The following THRAP3 variants were observed in gnomAD, a reference collection of about 807,000 sequenced individuals.
The protein encoded by THRAP3 is thyroid hormone receptor associated protein 3, also known as thyroid hormone receptor-associated protein 3.
Under a neutral mutation model 101.0 loss-of-function variants are expected in THRAP3, and 16 were observed. The ratio of observed to expected loss-of-function variants is 0.16; its 90% CI spans 0.11 to 0.24. The LOEUF (loss-of-function observed/expected upper bound fraction) is 0.24, where lower values mean the gene tolerates loss of function less well. THRAP3 is among the 10% of genes least tolerant of loss of function. The pLI is 1.00. For missense variants in THRAP3, 989 were observed against 1,202.7 expected (o/e 0.82, Z 2.63); for synonymous variants, 407 against 422.6 (o/e 0.96, Z 0.45).
intron 2 of THRAP3, among the ~76,000 whole-genome samples, chr1:36,272,682 T>TC (rs1645606589): frequency 1.3e-5 from 2 of 152,342 alleles, no homozygotes; most frequent in Admixed American, 6.5e-5. Context: ...CTGTCTTATC[T>TC]CTATCAGTTG....
intron 1 of THRAP3, among the ~76,000 whole-genome samples, chr1:36,239,515 C>G (rs1331463432): frequency 3.9e-5 from 6 of 152,170 alleles, no homozygotes; most frequent in African/African-American, 1.4e-4. Context: ...AATCCTCTCA[C>G]CTCGGCCTCC....
chr1:36,287,062 T>C lies in THRAP3; in HGVS notation c.832T>C (p.Ser278Pro), dbSNP rs944546998. 1 of 1,613,836 alleles carries C rather than the reference T, an allele frequency of 6.2e-7. No individual in the cohort carries two copies. The highest frequency in any genetic ancestry group is 8.5e-7 in the Non-Finnish European group (1 of 1,179,772). Residue 278 changes from serine to proline, a missense_variant, in exon 4 of 12, where the codon TCC becomes CCC. Physicochemically the swap from Ser to Pro is moderately conservative, Grantham distance 74. Coordinates refer to ENST00000354618, the MANE Select transcript of THRAP3 (RefSeq NM_005119.4). ...CGTGCCAAAACCTAGTCCTCCACTT[T>C]CCAGCACATCCCAGATGGGCTCAAC... ...SPVPKPSPPL[S>P]STSQMGSTLP... is the part of the protein sequence containing the mutation.
At chr1:36,281,237 T>C (rs559165426) in intron 2 of THRAP3, among the ~76,000 whole-genome samples, 5 of 152,320 alleles carry the variant, frequency 3.3e-5, no homozygotes, top group Non-Finnish European at 5.9e-5. Context: ...CTGGAACAAA[T>C]TGATGGTTCT....
In THRAP3 at chr1:36,286,565, A is replaced by T; in HGVS notation, c.335A>T (p.Gln112Leu). Residue 112 changes from glutamine (Q) to leucine (L), a missense_variant, in exon 4 of 12, where the codon CAG becomes CTG. Physicochemically the swap from Gln to Leu is moderately radical, Grantham distance 113. Transcript: ENST00000354618. This position sits in a 1 kb window ranked among gnomAD's most constrained non-coding sequence, Gnocchi z 5.5. ...TATGGAAACTACCGCTCAAATTGGCAGAATTACCGGCAAGCATACAGTCCT... is the reference window on the plus strand; with the variant it reads ...TATGGAAACTACCGCTCAAATTGGCTGAATTACCGGCAAGCATACAGTCCT... ...GGYGNYRSNW[Q>L]NYRQAYSPRR... 6.2e-7 allele frequency: 1 copy of T among 1,614,160 alleles called. No individual in the cohort carries two copies. Among genetic ancestry groups the T allele is most frequent in the East Asian group, 2.2e-5 (1 of 44,880 alleles).
chr1:36,292,788 C>A, intron 7 of THRAP3, 79 bp downstream of exon 7: 1 of 1,059,920 alleles, frequency 9.4e-7, no homozygotes, highest in Non-Finnish European at 1.4e-6. Flanking sequence ...TTAAATTCTG[C>A]TGCTAATGCA....
At chr1:36,253,984 G>A (rs1024158348) in intron 1 of THRAP3, among the ~76,000 whole-genome samples, 24 of 151,924 alleles carry the variant, frequency 1.6e-4, no homozygotes, top group African/African-American at 4.8e-4. Flanking sequence ...TTTGGTATCC[G>A]CAACAGTAAT....
chr1:36,223,519 T>C (rs1644920583), upstream of THRAP3, among the ~76,000 whole-genome samples: 1 of 152,204 alleles, frequency 6.6e-6, no homozygotes, highest in Non-Finnish European at 1.5e-5. Flanking sequence ...TAGTCAACTT[T>C]GAAAGCATCA....
At chr1:36,210,974 G>T in the THRAP3 span, among the ~76,000 whole-genome samples, 3 of 150,656 alleles carry the variant, frequency 2.0e-5, no homozygotes, top group East Asian at 5.9e-4. Flanking sequence ...CACTCTGGGG[G>T]GCCGAGGAGG....
chr1:36,290,543 G>A (rs1165591185), intron 5 of THRAP3, among the ~76,000 whole-genome samples: 4 of 152,142 alleles, frequency 2.6e-5, no homozygotes, highest in Non-Finnish European at 1.5e-5. Flanking sequence ...TCAACTCACT[G>A]CAACCTCTGC....
rs1413829804 is a variant in THRAP3, at chr1:36,286,342, A to G, written c.138-26A>G. On this transcript the variant is annotated intron_variant, in intron 3 of 11. Coordinates refer to ENST00000354618, the MANE Select transcript of THRAP3 (RefSeq NM_005119.4). The surrounding 1 kb of genome is among the most constrained non-coding windows in gnomAD (Gnocchi z 5.5). ...AAATGCTTGTGTCAAAAATTCAAAC[A>G]TTTGTCTCTTTCCTTTCCATTCCAG... The G allele has an allele frequency of 6.5e-7, 1 of 1,539,260 alleles. No individual in the cohort carries two copies. Among genetic ancestry groups the G allele is most frequent in the South Asian group, 1.3e-5 (1 of 79,838 alleles).
chr1:36,216,630 C>G, the THRAP3 span, among the ~76,000 whole-genome samples: 1 of 150,814 alleles, frequency 6.6e-6, no homozygotes, highest in Non-Finnish European at 1.5e-5. Context: ...ACAACAACAA[C>G]AAAAAAATAG....
intron 1 of THRAP3, among the ~76,000 whole-genome samples, chr1:36,234,901 G>A (rs1645067994): frequency 7.1e-6 from 1 of 141,726 alleles, no homozygotes; most frequent in Non-Finnish European, 1.5e-5. Context: ...TGCAACCTCT[G>A]CCTCCCGGTT....
chr1:36,225,651 C>T (rs1417719339), intron 1 of THRAP3, among the ~76,000 whole-genome samples: 2 of 151,466 alleles, frequency 1.3e-5, no homozygotes, highest in Non-Finnish European at 2.9e-5. Flanking sequence ...TGACTTTTTT[C>T]GTTTGTGGAA....
intron 9 of THRAP3, among the ~76,000 whole-genome samples, chr1:36,297,739 G>A (rs931189439): frequency 1.3e-5 from 2 of 151,454 alleles, no homozygotes; most frequent in Non-Finnish European, 2.9e-5. Context: ...CACCATGCCT[G>A]GCCGCGTTTT....
At chr1:36,233,231 G>A (rs1278114660) in intron 1 of THRAP3, among the ~76,000 whole-genome samples, 1 of 151,520 alleles carries the variant, frequency 6.6e-6, no homozygotes, top group Non-Finnish European at 1.5e-5. Flanking sequence ...GATTTGGCCT[G>A]GCGTGGTGGC....
chr1:36,266,813 T>C (rs1354481791), intron 2 of THRAP3, among the ~76,000 whole-genome samples: 1 of 152,144 alleles, frequency 6.6e-6, no homozygotes, highest in Non-Finnish European at 1.5e-5. Flanking sequence ...TTCAGGCAGA[T>C]TGGCTTGTTG....
chr1:36,270,571 G>GTTTTTTT (rs532301363), intron 2 of THRAP3, among the ~76,000 whole-genome samples: 918 of 31,792 alleles, frequency 0.029, 55 homozygotes, highest in Non-Finnish European at 0.052. Flanking sequence ...ATTTGTTTAG[G>GTTTTTTT]TTTTTGTTTT....
intron 1 of THRAP3, among the ~76,000 whole-genome samples, chr1:36,249,188 A>C (rs1449597463): frequency 2.3e-5 from 3 of 132,554 alleles, no homozygotes; most frequent in Non-Finnish European, 4.7e-5. Context: ...CAGCCAGCAC[A>C]GTCCCTTTTT....
At chr1:36,213,969 GAA>G in the THRAP3 span, among the ~76,000 whole-genome samples, 1 of 65,724 alleles carries the variant, frequency 1.5e-5, no homozygotes, top group Non-Finnish European at 2.8e-5. Flanking sequence ...GAAGGAAAGA[GAA>G]AGAAAGAAAG....
Sources: gnomAD v4.1 joint callset for allele counts (sites outside exome capture counted in the v4.1 genomes callset) on GRCh38, gnomAD v4.1.1 for gene constraint, Gnocchi (gnomAD v3.1) non-coding constraint, MANE v1.5 for transcripts, NCBI Gene and HGNC (gene_info 2026-07-23, HGNC 2026-07-21) for gene names.